ELMO1: variants seen among roughly 807,000 people sequenced by gnomAD.
ELMO1 encodes the protein engulfment and cell motility protein 1.
Under a neutral mutation model 98.9 loss-of-function variants are expected in ELMO1, and 26 were observed. The observed-to-expected ratio is 0.26, with a 90% CI of 0.19 to 0.36. The LOEUF (loss-of-function observed/expected upper bound fraction) is 0.36. Ranked by LOEUF, ELMO1 falls within the 10% of genes least tolerant of loss-of-function variation. The pLI is 1.00. For synonymous variants in ELMO1, 346 were observed against 346.0 expected, an observed-to-expected ratio of 1.00 and a Z score of 0.00; for missense variants, 627 against 935.2, an observed-to-expected ratio of 0.67 and a Z score of 4.30.
rs994274538 is a variant in ELMO1 at position 36,973,767 on chromosome 7, G to A, written c.1437+39532C>T. On this transcript the variant is annotated intron_variant, in intron 16 of 21. Transcript: ENST00000310758. ...GAGGGAGAGGCGCGAGCGGGAACCG[G>A]GGCTGCGCGCGGCGCTTGCGAGCCA... 3.3e-5 allele frequency among the ~76,000 whole-genome samples: 5 copies of A among 152,174 alleles called. No individual in the cohort carries two copies. In the East Asian group the frequency reaches 9.7e-4, roughly 30 times the overall value.
intron 1 of ELMO1, among the ~76,000 whole-genome samples, chr7:37,444,704 C>A (rs1052876468): frequency 6.6e-6 from 1 of 152,134 alleles, no homozygotes. Context: ...TCAATAGAGA[C>A]GGGGTTTCAC....
chr7:37,051,570 T>C (rs1796111149), intron 15 of ELMO1, among the ~76,000 whole-genome samples: 1 of 151,204 alleles, frequency 6.6e-6, no homozygotes, highest in African/African-American at 2.5e-5. Flanking sequence ...TTTACCCTTA[T>C]ACTTAAAGGT....
intron 16 of ELMO1, among the ~76,000 whole-genome samples, chr7:36,937,509 G>C (rs1165530651): frequency 6.6e-6 from 1 of 152,204 alleles, no homozygotes; most frequent in East Asian, 1.9e-4. Context: ...AAAACTATGA[G>C]ACCATAATTT....
At chr7:37,138,807 C>G (rs753780087) in intron 13 of ELMO1, among the ~76,000 whole-genome samples, 7 of 152,258 alleles carry the variant, frequency 4.6e-5, no homozygotes, top group Non-Finnish European at 8.8e-5. Flanking sequence ...CTGATGAACA[C>G]AGATGCAAAA....
chr7:37,141,924 G>A (rs1478330676), intron 13 of ELMO1, among the ~76,000 whole-genome samples: 1 of 152,204 alleles, frequency 6.6e-6, no homozygotes, highest in African/African-American at 2.4e-5. Context: ...CTATGAGAGA[G>A]TAGTGCTGCC....
At position 37,259,319 on chromosome 7, in the gene ELMO1, A is replaced by G. The variant is rs971451065; in HGVS notation, c.275T>C (p.Ile92Thr). The G allele has an allele frequency of 9.3e-6, 15 of 1,614,038 alleles. No individual in the cohort carries two copies. The highest frequency in any genetic ancestry group is 8.3e-5 in the Admixed American group (5 of 60,004). ...AQNAQQLHERIQSSSMDAKLE... is the reference protein window; with the variant it reads ...AQNAQQLHERTQSSSMDAKLE... Reference sequence around the variant, plus strand: ...CTTGGCATCCATACTCGAGGACTGGATTCGTTCATGGAGCTGCTGGGCGTT... The same window carrying G: ...CTTGGCATCCATACTCGAGGACTGGGTTCGTTCATGGAGCTGCTGGGCGTT... The change falls in exon 6 of 22, where the codon ATC (isoleucine) becomes ACC (threonine). Residue 92 changes from isoleucine (I) to threonine (T), a missense_variant. By Grantham distance (89) the Ile-to-Thr change is moderately conservative (BLOSUM62 -1). This residue lies in a region of ELMO1 where 123 missense variants were observed against 171.2 expected (regional missense o/e 0.72). Transcript: ENST00000310758.
chr7:37,336,415 T>C (rs1800411536), intron 2 of ELMO1, among the ~76,000 whole-genome samples: 1 of 152,100 alleles, frequency 6.6e-6, no homozygotes, highest in Non-Finnish European at 1.5e-5. Flanking sequence ...GAAATGAAAC[T>C]AGTGGTTAGC....
intron 10 of ELMO1, 133 bp from the exon 11 acceptor site, chr7:37,216,828 C>T: frequency 1.2e-6 from 1 of 850,478 alleles, no homozygotes; most frequent in Non-Finnish European, 1.9e-6. Flanking sequence ...ATAATGAACT[C>T]AAACAGGCAG....
intron 16 of ELMO1, among the ~76,000 whole-genome samples, chr7:36,949,735 G>A (rs568285918): frequency 6.6e-6 from 1 of 151,546 alleles, no homozygotes; most frequent in East Asian, 2.0e-4. Context: ...AATCCTTCCT[G>A]TTCACTGTAG....
At chr7:37,385,182 A>G (rs964371831) in intron 1 of ELMO1, among the ~76,000 whole-genome samples, 16 of 152,184 alleles carry the variant, frequency 1.1e-4, no homozygotes, top group African/African-American at 3.6e-4. Flanking sequence ...GATGCTCTAG[A>G]ATGATCCATT....
intron 16 of ELMO1, among the ~76,000 whole-genome samples, chr7:36,988,955 T>C (rs1791688228): frequency 6.6e-6 from 1 of 152,198 alleles, no homozygotes; most frequent in African/African-American, 2.4e-5. Context: ...TCAGCTGATA[T>C]GAATGACAGA....
chr7:37,070,323 G>T (rs997427694), intron 15 of ELMO1, among the ~76,000 whole-genome samples: 2 of 152,138 alleles, frequency 1.3e-5, no homozygotes, highest in Non-Finnish European at 2.9e-5. Context: ...TTAAACAGAC[G>T]AGAAGAGGAT....
chr7:37,016,748 G>A (rs535388398), intron 15 of ELMO1, among the ~76,000 whole-genome samples: 1 of 152,280 alleles, frequency 6.6e-6, no homozygotes, highest in South Asian at 2.1e-4. Flanking sequence ...ATTATGTCAG[G>A]CACAAAAGGA....
At chr7:37,320,803 G>A (rs1213193030) in intron 2 of ELMO1, among the ~76,000 whole-genome samples, 2 of 151,810 alleles carry the variant, frequency 1.3e-5, no homozygotes, top group Non-Finnish European at 1.5e-5. Flanking sequence ...ATACATTCAC[G>A]AACTTTCCTT....
At chr7:36,946,318 G>A (rs1787480349) in intron 16 of ELMO1, among the ~76,000 whole-genome samples, 1 of 152,178 alleles carries the variant, frequency 6.6e-6, no homozygotes, top group African/African-American at 2.4e-5. Context: ...GGAGACTGGG[G>A]GCAGCTATGA....
At chr7:37,378,665 T>C (rs1265727367) in intron 1 of ELMO1, among the ~76,000 whole-genome samples, 1 of 152,220 alleles carries the variant, frequency 6.6e-6, no homozygotes, top group Non-Finnish European at 1.5e-5. Context: ...TTCTTGACTC[T>C]GTGCCCCAAG....
At chr7:37,345,952 G>T (rs1304293526) in intron 1 of ELMO1, among the ~76,000 whole-genome samples, 2 of 149,002 alleles carry the variant, frequency 1.3e-5, no homozygotes. Context: ...TCATGCCACT[G>T]CACTCCAGCC....
intron 4 of ELMO1, among the ~76,000 whole-genome samples, chr7:37,294,779 C>A (rs970240577): frequency 6.6e-6 from 1 of 152,136 alleles, no homozygotes; most frequent in African/African-American, 2.4e-5. Flanking sequence ...GCAGGTGGAT[C>A]GCCTGAGGTC....
At chr7:36,995,190 C>T (rs753590449) in intron 16 of ELMO1, among the ~76,000 whole-genome samples, 12 of 152,164 alleles carry the variant, frequency 7.9e-5, no homozygotes, top group Admixed American at 1.3e-4. Flanking sequence ...AACCCACAAC[C>T]CAACATCATA....
Sources: gnomAD v4.1 joint callset for allele counts (sites outside exome capture counted in the v4.1 genomes callset) on GRCh38, gnomAD v4.1.1 for gene constraint, gnomAD v4.1.1 regional missense constraint, MANE v1.5 for transcripts, NCBI Gene and HGNC (gene_info 2026-07-23, HGNC 2026-07-21) for gene names.